Variants in EIF4G3 observed in about 807,000 individuals in gnomAD.
EIF4G3 encodes the protein eIF-4-gamma 3.
A neutral mutation model predicts 186.4 loss-of-function variants in EIF4G3; 34 were observed. The ratio of observed to expected loss-of-function variants is 0.18; its 90% CI spans 0.14 to 0.24. EIF4G3 has a LOEUF of 0.24. EIF4G3 is among the 10% of genes least tolerant of loss of function. The probability of loss-of-function intolerance (pLI) is 1.00; values close to 1 mark genes in which losing one functional copy is unlikely to be tolerated. For synonymous variants in EIF4G3, 673 were observed against 679.5 expected, an observed-to-expected ratio of 0.99 and a Z score of 0.15; for missense variants, 1,536 against 1,948.5, an observed-to-expected ratio of 0.79 and a Z score of 3.99.
chr1:20,934,852 C>G (rs979244175), intron 14 of EIF4G3, among the ~76,000 whole-genome samples: 2 of 152,100 alleles, frequency 1.3e-5, no homozygotes, highest in African/African-American at 2.4e-5. Flanking sequence ...CAAATCTTAC[C>G]TCCTACTGAG....
At chr1:21,090,047 C>T (rs1023978700) in intron 2 of EIF4G3, among the ~76,000 whole-genome samples, 1 of 152,078 alleles carries the variant, frequency 6.6e-6, no homozygotes, top group African/African-American at 2.4e-5. Context: ...TACAATAATC[C>T]AGAACATGCT....
At chr1:20,985,474 C>T (rs1347606883) in intron 7 of EIF4G3, among the ~76,000 whole-genome samples, 1 of 150,138 alleles carries the variant, frequency 6.7e-6, no homozygotes, top group African/African-American at 2.5e-5. Flanking sequence ...CACACACGTG[C>T]ACCAGAAGAG....
intron 17 of EIF4G3, among the ~76,000 whole-genome samples, chr1:20,893,995 T>A (rs2087018310): frequency 6.6e-6 from 1 of 151,234 alleles, no homozygotes; most frequent in South Asian, 2.1e-4. Context: ...AAAAAAATAT[T>A]CATCAGGATA....
Position 21,117,736 on chromosome 1 carries a change from T to TAAAAAAAAAAAAAAAAAAAAAAAAAA in EIF4G3, c.-271-28524_-271-28523insTTTTTTTTTTTTTTTTTTTTTTTTTT, listed in dbSNP as rs71014156. On this transcript the variant is annotated intron_variant, in intron 2 of 36. Transcript: ENST00000602326. ...GGCCTTTCACTGTCCCAGTATATAG[T>TAAAAAAAAAAAAAAAAAAAAAAAAAA]AAAAAAAAAAAAAAAAAAAAAAAAA... 7.1e-4 allele frequency among the ~76,000 whole-genome samples: 52 copies of TAAAAAAAAAAAAAAAAAAAAAAAAAA among 73,078 alleles called. 1 individual carries two copies. The highest frequency in any genetic ancestry group is 0.018 in the Middle Eastern group (2 of 112). 47.9% of individuals were successfully genotyped at this position (73,078 alleles called of 152,430 possible).
intron 2 of EIF4G3, among the ~76,000 whole-genome samples, chr1:21,134,587 T>TGA (rs2097206478): frequency 6.6e-6 from 1 of 152,166 alleles, no homozygotes; most frequent in Non-Finnish European, 1.5e-5. Flanking sequence ...GAGAATCACT[T>TGA]GAGCCCGGGA....
At chr1:20,977,249 T>G (rs940718536) in intron 10 of EIF4G3, among the ~76,000 whole-genome samples, 1 of 152,008 alleles carries the variant, frequency 6.6e-6, no homozygotes, top group African/African-American at 2.4e-5. Context: ...TGCAGGGGCA[T>G]GATCTCTGCC....
intron 8 of EIF4G3, 25 bp from the exon 9 acceptor site, chr1:20,981,252 T>A (rs750607875): frequency 1.0e-4 from 120 of 1,187,466 alleles, no homozygotes; most frequent in South Asian, 3.7e-4. Flanking sequence ...AAAAAAAAAT[T>A]TTTTTTTTTT....
intron 2 of EIF4G3, among the ~76,000 whole-genome samples, chr1:21,133,508 A>G (rs1169362504): frequency 1.3e-5 from 2 of 152,166 alleles, no homozygotes; most frequent in Non-Finnish European, 2.9e-5. Context: ...TACAGGCATG[A>G]GCCACCGCGC....
intron 2 of EIF4G3, among the ~76,000 whole-genome samples, chr1:21,133,227 T>C (rs926839609): frequency 6.6e-6 from 1 of 152,118 alleles, no homozygotes; most frequent in East Asian, 1.9e-4. Context: ...TCCAAAGCCT[T>C]CTTTCTTTTT....
intron 33 of EIF4G3, among the ~76,000 whole-genome samples, chr1:20,822,572 C>T (rs2062684831): frequency 6.8e-6 from 1 of 146,592 alleles, no homozygotes; most frequent in Admixed American, 6.8e-5. Context: ...TTCATTTGTT[C>T]TTATTGTTCT....
chr1:20,981,848 G>C (rs531318004), intron 8 of EIF4G3, among the ~76,000 whole-genome samples: 1 of 151,306 alleles, frequency 6.6e-6, no homozygotes, highest in Admixed American at 6.6e-5. Flanking sequence ...ATAACAAAAG[G>C]GGTAGCTAAT....
intron 2 of EIF4G3, chr1:21,175,025 C>T (rs1464786396): frequency 6.6e-6 from 1 of 152,160 alleles, no homozygotes; most frequent in Non-Finnish European, 1.5e-5. Context: ...ATCTGGGGAC[C>T]TCACAGCAGT....
chr1:21,085,518 G>T lies in EIF4G3; in HGVS notation c.-196+3620C>A, dbSNP rs147192907. ...TGGGCTCAAGTGATTCTCCTGCCTCGGTCTCCCAACTACCTAAAATTACAG... is the reference window on the plus strand; with the variant it reads ...TGGGCTCAAGTGATTCTCCTGCCTCTGTCTCCCAACTACCTAAAATTACAG... On this transcript the variant is annotated intron_variant, in intron 3 of 36. Coordinates refer to ENST00000602326, the MANE Select transcript of EIF4G3 (RefSeq NM_001391906.1). Among the ~76,000 whole-genome samples the T allele has an allele frequency of 3.8e-3, 581 of 151,628 alleles. 3 individuals carry two copies. Among genetic ancestry groups the T allele is most frequent in the African/African-American group, 0.013 (558 of 41,342 alleles).
intron 3 of EIF4G3, among the ~76,000 whole-genome samples, chr1:21,067,388 C>T (rs1324335333): frequency 6.6e-6 from 1 of 152,070 alleles, no homozygotes; most frequent in Non-Finnish European, 1.5e-5. Flanking sequence ...CCACCATAGC[C>T]TCCTAAAGTG....
intron 29 of EIF4G3, chr1:20,848,045 A>C: frequency 3.0e-6 from 1 of 330,830 alleles, no homozygotes. Context: ...GGCTCACTGC[A>C]ACCTCTGCCT....
chr1:21,069,395 T>C (rs1305728651), intron 3 of EIF4G3, among the ~76,000 whole-genome samples: 2 of 152,224 alleles, frequency 1.3e-5, no homozygotes, highest in Non-Finnish European at 2.9e-5. Context: ...TTCCCACATG[T>C]ACTTAAAACA....
At position 20,810,033 on chromosome 1, in the gene EIF4G3, C is replaced by A. The variant is rs1019293970; in HGVS notation, c.4744+705G>T. On this transcript the variant is annotated intron_variant, in intron 36 of 36. Transcript: ENST00000602326. The surrounding 1 kb of genome is among the most constrained non-coding windows in gnomAD (Gnocchi z 4.1). Reference sequence around the variant, plus strand: ...TTGTCCAGGCCGGAGTGCAGTGGCGCCATCTTGGCTTAGTGCAAACTCCGC... The same window carrying A: ...TTGTCCAGGCCGGAGTGCAGTGGCGACATCTTGGCTTAGTGCAAACTCCGC... Among the ~76,000 whole-genome samples, 10 of 150,938 alleles carry A rather than the reference C, an allele frequency of 6.6e-5. No individual in the cohort carries two copies. The highest frequency in any genetic ancestry group is 2.4e-4 in the African/African-American group (10 of 40,912).
intron 14 of EIF4G3, among the ~76,000 whole-genome samples, chr1:20,935,326 T>C (rs2095485094): frequency 6.6e-6 from 1 of 152,194 alleles, no homozygotes; most frequent in Admixed American, 6.5e-5. Flanking sequence ...TTGAAATGCC[T>C]GGGAAAGCCT....
chr1:21,025,205 C>T (rs2091884256), intron 4 of EIF4G3, among the ~76,000 whole-genome samples: 1 of 152,110 alleles, frequency 6.6e-6, no homozygotes, highest in South Asian at 2.1e-4. Flanking sequence ...GAGGAGGTGA[C>T]ATCAGAGGAT....
Sources: allele counts gnomAD v4.1 joint callset (sites outside exome capture counted in the v4.1 genomes callset), GRCh38; gene constraint gnomAD v4.1.1; non-coding constraint Gnocchi (gnomAD v3.1); transcripts MANE v1.5; gene names NCBI Gene and HGNC (gene_info 2026-07-23, HGNC 2026-07-21).